PDS5B: variants seen among roughly 807,000 people sequenced by gnomAD.
The protein encoded by PDS5B is PDS5 cohesin associated factor B, also known as sister chromatid cohesion protein PDS5 homolog B.
Under a neutral mutation model 184.1 loss-of-function variants are expected in PDS5B, and 51 were observed. That is an observed-to-expected ratio of 0.28 (90% CI 0.22 to 0.35). PDS5B has a LOEUF of 0.35. PDS5B is among the 10% of genes least tolerant of loss of function. The pLI, the probability that PDS5B is intolerant of heterozygous loss-of-function variation, is 1.00. For synonymous variants in PDS5B, 566 were observed against 569.2 expected, an observed-to-expected ratio of 0.99 and a Z score of 0.08; for missense variants, 1,180 against 1,723.3, an observed-to-expected ratio of 0.68 and a Z score of 5.58.
chr13:32,698,524 C>T (rs1730465019), intron 15 of PDS5B, among the ~76,000 whole-genome samples: 1 of 152,052 alleles, frequency 6.6e-6, no homozygotes, highest in Admixed American at 6.6e-5. Flanking sequence ...TAATGTGGTT[C>T]TCTTTCCTTG....
At chr13:32,689,478 G>A (rs1280287307) in intron 13 of PDS5B, 2 of 152,004 alleles carry the variant, frequency 1.3e-5, no homozygotes, top group African/African-American at 2.4e-5. Flanking sequence ...GTGCTACAGT[G>A]GAAAAGTAGG....
intron 31 of PDS5B, 49 bp from the exon 32 acceptor site, chr13:32,770,072 T>C (rs1954725054): frequency 3.3e-6 from 5 of 1,510,304 alleles, no homozygotes; most frequent in Non-Finnish European, 4.5e-6. Context: ...TCAAAATATG[T>C]ATACTCACAA....
rs372459253 is a variant in PDS5B, at chr13:32,627,287, A to G, written c.-19-21467A>G. On this transcript the variant is annotated intron_variant, in intron 1 of 34. Coordinates refer to ENST00000315596, the MANE Select transcript of PDS5B (RefSeq NM_015032.4). ...AGGTGCAGTGCTTTACAGTCTGTAC[A>G]GTAATTAAGCAGATGGATGCTATCT... 3.3e-5 allele frequency among the ~76,000 whole-genome samples: 5 copies of G among 152,248 alleles called. No individual in the cohort carries two copies. In the South Asian group the frequency reaches 8.3e-4, roughly 25 times the overall value.
intron 6 of PDS5B, among the ~76,000 whole-genome samples, chr13:32,667,235 G>A (rs1950822156): frequency 1.3e-5 from 2 of 151,752 alleles, no homozygotes; most frequent in African/African-American, 4.8e-5. Flanking sequence ...GTTATCTTCC[G>A]CCCGTACTTT....
chr13:32,743,525 CCTT>C (rs1233670885), intron 23 of PDS5B, among the ~76,000 whole-genome samples: 10 of 152,108 alleles, frequency 6.6e-5, no homozygotes, highest in Non-Finnish European at 8.8e-5. Flanking sequence ...TGGTGCCCCT[CCTT>C]GGTAATACAA....
rs1258689235 is a variant in PDS5B, at chr13:32,775,196, C to T, written c.*144C>T. On this transcript the variant is annotated 3_prime_UTR_variant, in exon 35 of 35. Coordinates refer to ENST00000315596, the MANE Select transcript of PDS5B (RefSeq NM_015032.4). ...GACAGTTGGACCTTACTTTGGTGAC[C>T]CCATACATTTGTGGTCACATGCTTT... 5.1e-5 allele frequency: 35 copies of T among 680,198 alleles called. No homozygotes were observed. Among genetic ancestry groups the T allele is most frequent in the Non-Finnish European group, 7.7e-5 (31 of 402,700 alleles). The allele number at this position is 680,198 out of a possible 1,614,324, so 42.1% of individuals were successfully genotyped here. A position where few individuals can be genotyped will look rare whatever the true frequency, so the allele number is the denominator to read the frequency against.
At chr13:32,639,531 T>C (rs2058621466) in intron 1 of PDS5B, among the ~76,000 whole-genome samples, 1 of 152,206 alleles carries the variant, frequency 6.6e-6, no homozygotes, top group South Asian at 2.1e-4. Flanking sequence ...TTGGAAAATA[T>C]GTAAACAGGG....
intron 10 of PDS5B, among the ~76,000 whole-genome samples, chr13:32,679,536 T>C (rs1951172064): frequency 6.6e-6 from 1 of 151,936 alleles, no homozygotes; most frequent in South Asian, 2.1e-4. Context: ...CTCAGGAGGC[T>C]GAGGCAGGAG....
intron 19 of PDS5B, among the ~76,000 whole-genome samples, chr13:32,715,724 T>C (rs1015617107): frequency 7.9e-5 from 12 of 152,248 alleles, no homozygotes; most frequent in African/African-American, 2.6e-4. Flanking sequence ...AGCTGGACTG[T>C]ACTGCTGCCA....
At chr13:32,659,343 G>C in intron 6 of PDS5B, 63 bp downstream of exon 6, 2 of 1,265,578 alleles carry the variant, frequency 1.6e-6, no homozygotes, top group Non-Finnish European at 2.1e-6. Context: ...TAAAATTTGT[G>C]CTTAGGTTCT....
At chr13:32,660,266 G>A (rs897653949) in intron 6 of PDS5B, among the ~76,000 whole-genome samples, 9 of 152,112 alleles carry the variant, frequency 5.9e-5, no homozygotes, top group Non-Finnish European at 2.9e-5. Flanking sequence ...TCTTCCCATC[G>A]TCTCCTTCAC....
At chr13:32,661,385 CAAAAAAAAAAAA>C (rs747985772) in intron 6 of PDS5B, among the ~76,000 whole-genome samples, 3 of 31,996 alleles carry the variant, frequency 9.4e-5, no homozygotes, top group African/African-American at 3.2e-4. Context: ...GACTCTGTCT[CAAAAAAAAAAAA>C]AAAAAAAAAA....
intron 13 of PDS5B, among the ~76,000 whole-genome samples, chr13:32,693,515 A>G (rs9596076): frequency 0.32 from 47,880 of 151,568 alleles, 9,116 homozygotes; most frequent in Non-Finnish European, 0.43. Context: ...CTTCATATGT[A>G]TGGTAATAGA....
chr13:32,655,374 A>ATATTTTTTT, intron 3 of PDS5B, among the ~76,000 whole-genome samples: 1 of 72,466 alleles, frequency 1.4e-5, no homozygotes, highest in African/African-American at 8.3e-5. Flanking sequence ...ATATATATAT[A>ATATTTTTTT]TTTTTTTTTT....
chr13:32,745,910 A>G, intron 23 of PDS5B, 67 bp from the exon 24 acceptor site: 1 of 1,266,402 alleles, frequency 7.9e-7, no homozygotes, highest in Non-Finnish European at 1.1e-6. Flanking sequence ...TAATAAAATT[A>G]GATGTACAGA....
intron 24 of PDS5B, among the ~76,000 whole-genome samples, chr13:32,750,523 C>G (rs181496911): frequency 6.6e-6 from 1 of 152,018 alleles, no homozygotes; most frequent in Non-Finnish European, 1.5e-5. Flanking sequence ...GCTTCTTCCC[C>G]TTCCCTCCCT....
chr13:32,647,336 T>A (rs919503285), intron 1 of PDS5B, among the ~76,000 whole-genome samples: 2 of 152,204 alleles, frequency 1.3e-5, no homozygotes, highest in East Asian at 3.9e-4. Context: ...AGTGGCGCAA[T>A]CTCAGCTCAC....
At chr13:32,671,998 TA>T (rs1200409493) in intron 7 of PDS5B, among the ~76,000 whole-genome samples, 5 of 152,190 alleles carry the variant, frequency 3.3e-5, no homozygotes, top group African/African-American at 1.2e-4. Flanking sequence ...TCAGTAGTAA[TA>T]TGATAAATGA....
intron 1 of PDS5B, among the ~76,000 whole-genome samples, chr13:32,647,972 A>G (rs907248456): frequency 3.3e-5 from 5 of 152,192 alleles, no homozygotes; most frequent in Non-Finnish European, 7.3e-5. Context: ...TGGGGCTGTT[A>G]TTAACCAGGG....
Sources: gnomAD v4.1 joint callset for allele counts (sites outside exome capture counted in the v4.1 genomes callset) on GRCh38, gnomAD v4.1.1 for gene constraint, MANE v1.5 for transcripts, NCBI Gene and HGNC (gene_info 2026-07-23, HGNC 2026-07-21) for gene names.